The following COL28A1 variants were observed in gnomAD, a reference collection of about 807,000 sequenced individuals.
COL28A1 encodes the protein collagen alpha-1(XXVIII) chain.
In COL28A1, 161 loss-of-function variants were observed where a neutral mutation model predicts 150.2. That is an observed-to-expected ratio of 1.07 (90% confidence interval 0.94 to 1.22). COL28A1 has a LOEUF of 1.22. COL28A1 is among the 50% of genes most tolerant of loss of function. The pLI is 0.00. For missense variants in COL28A1, 1,617 were observed against 1,388.3 expected, an observed-to-expected ratio of 1.16 and a Z score of -2.62; for synonymous variants, 552 against 469.7, an observed-to-expected ratio of 1.18 and a Z score of -2.26.
At chr7:7,512,084 A>G (rs1319390826) in intron 8 of COL28A1, among the ~76,000 whole-genome samples, 1 of 152,218 alleles carries the variant, frequency 6.6e-6, no homozygotes, top group African/African-American at 2.4e-5. Context: ...TGAACCTGGA[A>G]GACATTATGT....
At position 7,360,677 on chromosome 7, in the gene COL28A1, T is replaced by TA. The variant is rs535970641; in HGVS notation, c.3067-150dup. The TA allele has an allele frequency of 1.5e-5, 11 of 712,604 alleles. No individual in the cohort carries two copies. The East Asian group carries it at 3.2e-4, about 21-fold the overall frequency. The allele number at this position is 712,604 out of a possible 1,614,324, so 44.1% of individuals were successfully genotyped here. A position where few individuals can be genotyped will look rare whatever the true frequency, so the allele number is the denominator to read the frequency against. ...ACTATTTCAAATAAAACTCAGGAAA[T>TA]AATGCCCCTCCTCTGTGTCATGCAT... On this transcript the variant is annotated intron_variant, in intron 33 of 34. Coordinates refer to ENST00000399429, the MANE Select transcript of COL28A1 (RefSeq NM_001037763.3).
At chr7:7,376,975 T>C (rs1781588175) in intron 30 of COL28A1, among the ~76,000 whole-genome samples, 1 of 152,208 alleles carries the variant, frequency 6.6e-6, no homozygotes, top group Admixed American at 6.5e-5. Flanking sequence ...ATATCATCAC[T>C]GTCAATTGGT....
chr7:7,366,387 AATGAGACCACAAGCCAGGTTTCCTGACT>A (rs1461937334), intron 33 of COL28A1, among the ~76,000 whole-genome samples: 2 of 152,206 alleles, frequency 1.3e-5, no homozygotes, highest in Non-Finnish European at 2.9e-5. Flanking sequence ...TAGCTTCAGC[AATGAGACCACAAGCCAGGTTTCCTGACT>A]TCCAGGTCTA....
At chr7:7,484,790 T>C (rs1012328200) in intron 13 of COL28A1, among the ~76,000 whole-genome samples, 3 of 152,116 alleles carry the variant, frequency 2.0e-5, no homozygotes, top group Admixed American at 1.3e-4. Context: ...CCATGAAATA[T>C]TGCACAGCCA....
At chr7:7,459,107 G>A (rs1221345148) in intron 15 of COL28A1, among the ~76,000 whole-genome samples, 1 of 152,194 alleles carries the variant, frequency 6.6e-6, no homozygotes, top group Non-Finnish European at 1.5e-5. Flanking sequence ...TAAAAGCTTT[G>A]CTATGTAATA....
At chr7:7,367,036 A>G (rs976887770) in intron 33 of COL28A1, among the ~76,000 whole-genome samples, 3 of 152,248 alleles carry the variant, frequency 2.0e-5, no homozygotes, top group Non-Finnish European at 4.4e-5. Context: ...AACCACACAC[A>G]TACATGACAG....
Position 7,373,912 on chromosome 7 carries a change from G to A in COL28A1, c.2360-366C>T, listed in dbSNP as rs1195134500. On this transcript the variant is annotated intron_variant, in intron 31 of 34. Coordinates refer to ENST00000399429, the MANE Select transcript of COL28A1 (RefSeq NM_001037763.3). This position sits in a 1 kb window ranked among gnomAD's most constrained non-coding sequence, Gnocchi z 4.1. ...GACAGGGTTTCACCGTGTTAGCCAAGATGGTCTCGATCTCCTGACCTCGTG... is the reference window on the plus strand; with the variant it reads ...GACAGGGTTTCACCGTGTTAGCCAAAATGGTCTCGATCTCCTGACCTCGTG... Among the ~76,000 whole-genome samples, 1 of 151,012 alleles carries A rather than the reference G, an allele frequency of 6.6e-6. No individual in the cohort carries two copies. Among genetic ancestry groups the A allele is most frequent in the Non-Finnish European group, 1.5e-5 (1 of 67,790 alleles).
chr7:7,510,191 GT>G, intron 9 of COL28A1, among the ~76,000 whole-genome samples: 1 of 152,046 alleles, frequency 6.6e-6, no homozygotes, highest in Admixed American at 6.6e-5. Context: ...TTAACATCAT[GT>G]TTCAGATATA....
intron 18 of COL28A1, among the ~76,000 whole-genome samples, chr7:7,447,677 A>G (rs73334177): frequency 0.042 from 6,339 of 152,202 alleles, 465 homozygotes; most frequent in African/African-American, 0.14. Context: ...AAAATTTTAG[A>G]TTTGAAAATT....
chr7:7,493,849 A>ACAC (rs1562825818), intron 11 of COL28A1, among the ~76,000 whole-genome samples: 5 of 150,604 alleles, frequency 3.3e-5, no homozygotes, highest in African/African-American at 1.2e-4. Context: ...AGCCCTTAGC[A>ACAC]ACACACACAC....
At chr7:7,374,018 G>T in intron 31 of COL28A1, among the ~76,000 whole-genome samples, 1 of 74,074 alleles carries the variant, frequency 1.3e-5, no homozygotes, top group East Asian at 3.8e-4. Context: ...TTCTATACTT[G>T]ACTCTTAAAA....
intron 33 of COL28A1, among the ~76,000 whole-genome samples, chr7:7,369,848 C>T (rs1781124988): frequency 6.6e-6 from 1 of 152,116 alleles, no homozygotes; most frequent in Non-Finnish European, 1.5e-5. Context: ...TACATGAAGG[C>T]TTCAGAAAAG....
chr7:7,387,256 C>T (rs950133115), intron 27 of COL28A1, among the ~76,000 whole-genome samples: 16 of 152,222 alleles, frequency 1.1e-4, no homozygotes, highest in African/African-American at 2.4e-4. Context: ...CAGGAAACCA[C>T]GCCCAGACCA....
chr7:7,515,826 G>T lies in COL28A1; in HGVS notation c.870C>A (p.Tyr290Ter), dbSNP rs1369119469. 1 of 1,066,670 alleles carries T rather than the reference G, an allele frequency of 9.4e-7. No homozygotes were observed. Among genetic ancestry groups the T allele is most frequent in the East Asian group, 2.4e-5 (1 of 42,354 alleles). 66.1% of individuals were successfully genotyped at this position (1,066,670 alleles called of 1,614,324 possible). A position where few individuals can be genotyped will look rare whatever the true frequency, so the allele number is the denominator to read the frequency against. Residue 290 changes from tyrosine to a stop codon, truncating the protein, a stop_gained, in exon 8 of 35, where the codon TAC becomes TAA. Coordinates refer to ENST00000399429, the MANE Select transcript of COL28A1 (RefSeq NM_001037763.3). LOFTEE classifies it high-confidence loss of function. ...GTTACCAACTTACCTTGTCACCCTT[G>T]TACCCAGGAATTCCCTAATTTAAAA... Reference protein sequence around the residue: ...GERGPGGIPGYKGDKGERGEC... With the variant: ...GERGPGGIPG
At chr7:7,514,177 A>T (rs1781298305) in intron 8 of COL28A1, among the ~76,000 whole-genome samples, 1 of 152,114 alleles carries the variant, frequency 6.6e-6, no homozygotes, top group Admixed American at 6.6e-5. Context: ...AAAATGGAGG[A>T]GGGGGCCACC....
the COL28A1 span, among the ~76,000 whole-genome samples, chr7:7,543,101 CA>C: frequency 6.6e-6 from 1 of 152,122 alleles, no homozygotes; most frequent in Non-Finnish European, 1.5e-5. Flanking sequence ...ATAAAATACA[CA>C]ATATTCTCTA....
intron 18 of COL28A1, among the ~76,000 whole-genome samples, chr7:7,446,209 G>A (rs1786247438): frequency 6.6e-6 from 1 of 151,816 alleles, no homozygotes; most frequent in African/African-American, 2.4e-5. Context: ...TAATAGGAAT[G>A]ATGAGAAAAA....
intron 27 of COL28A1, among the ~76,000 whole-genome samples, chr7:7,410,143 A>T (rs1783699329): frequency 6.6e-6 from 1 of 152,220 alleles, no homozygotes; most frequent in Non-Finnish European, 1.5e-5. Context: ...ATGGCCACAG[A>T]TCCAGCCTCA....
chr7:7,506,031 C>A lies in COL28A1; in HGVS notation c.1009G>T (p.Gly337Trp). Residue 337 changes from glycine (G) to tryptophan (W), a missense_variant, in exon 11 of 35, where the codon GGG (glycine) becomes TGG (tryptophan). Physicochemically the swap from Gly to Trp is radical, Grantham distance 184 (BLOSUM62 -2). Transcript: ENST00000399429. The stretch of plus-strand genomic sequence containing the variant: ...AAGATTACCTTATTGCCTTGAAACC[C>A]CTTTGGGCCTGGGTCTCCTGGAGGT... ...TGPPGDPGPK[G>W]FQGNKGEPGP... 1 of 1,455,360 alleles carries A rather than the reference C, an allele frequency of 6.9e-7. No individual in the cohort carries two copies. The highest frequency in any genetic ancestry group is 9.7e-7 in the Non-Finnish European group (1 of 1,035,172). The allele number at this position is 1,455,360 out of a possible 1,614,324, so 90.2% of individuals were successfully genotyped here.
Sources: allele counts gnomAD v4.1 joint callset (sites outside exome capture counted in the v4.1 genomes callset), GRCh38; gene constraint gnomAD v4.1.1; non-coding constraint Gnocchi (gnomAD v3.1); transcripts MANE v1.5; gene names NCBI Gene and HGNC (gene_info 2026-07-23, HGNC 2026-07-21).